ZNF615: variants seen among roughly 807,000 people sequenced by gnomAD.
ZNF615 encodes zinc finger protein 615.
ZNF615 carries 15 observed loss-of-function variants against 15.3 expected under a neutral mutation model. The ratio of observed to expected loss-of-function variants is 0.98; its 90% CI spans 0.66 to 1.51. The LOEUF is 1.51. ZNF615 is among the 40% of genes most tolerant of loss of function. The pLI, the probability that ZNF615 is intolerant of heterozygous loss-of-function variation, is 0.00. For missense variants in ZNF615, 848 were observed against 895.9 expected (o/e 0.95, Z 0.68); for synonymous variants, 268 against 294.6 (o/e 0.91, Z 0.92).
intron 6 of ZNF615, among the ~76,000 whole-genome samples, chr19:51,999,062 C>T (rs897241689): frequency 6.6e-6 from 1 of 152,140 alleles, no homozygotes; most frequent in African/African-American, 2.4e-5. Context: ...TTTCTATATT[C>T]TAGCAATGAA....
chr19:51,993,999 A>C lies in ZNF615; in HGVS notation c.1110T>G (p.Leu370=). The C allele has an allele frequency of 6.2e-7, 1 of 1,612,358 alleles. No homozygotes were observed. The highest frequency in any genetic ancestry group is 8.5e-7 in the Non-Finnish European group (1 of 1,179,034). ...CGKGFIEKRR[L]TAHHRTHTGE... ...CAGTATGAGTTCGATGATGTGCAGTAAGACGCCTCTTCTCAATGAAGCCTT... is the reference window on the plus strand; with the variant it reads ...CAGTATGAGTTCGATGATGTGCAGTCAGACGCCTCTTCTCAATGAAGCCTT... The change falls in exon 7 of 7, where the codon CTT becomes CTG. Residue 370 remains leucine (L), a synonymous_variant. Transcript: ENST00000598071.
At chr19:51,996,270 C>T (rs982404655) in intron 6 of ZNF615, among the ~76,000 whole-genome samples, 7 of 151,102 alleles carry the variant, frequency 4.6e-5, no homozygotes, top group African/African-American at 1.2e-4. Context: ...CCCGTAGTCC[C>T]GGCTACTTGG....
In ZNF615 at chr19:51,994,314, A is replaced by G; in HGVS notation, c.795T>C (p.His265=). 1 of 1,614,140 alleles carries G rather than the reference A, an allele frequency of 6.2e-7. No individual in the cohort carries two copies. Among genetic ancestry groups the G allele is most frequent in the East Asian group, 2.2e-5 (1 of 44,876 alleles). The stretch of plus-strand genomic sequence containing the variant: ...TGCATTCATAATGTTTCAGTTCTGT[A>G]TGAGTTCTCTGATGGTCCATTAGTC... The part of the protein sequence containing the change: ...KSRLMDHQRT[H]TELKHYECTE... The change falls in exon 7 of 7, where the codon CAT becomes CAC. Residue 265 remains histidine, a synonymous_variant. Coordinates refer to ENST00000598071, the MANE Select transcript of ZNF615 (RefSeq NM_001199324.2).
chr19:51,993,198 G>A lies in ZNF615; in HGVS notation c.1911C>T (p.Cys637=). Residue 637 remains cysteine (C), a synonymous_variant, in exon 7 of 7, where the codon TGC becomes TGT. Coordinates refer to ENST00000598071, the MANE Select transcript of ZNF615 (RefSeq NM_001199324.2). The part of the protein sequence containing the change: ...QTHTGEKPYK[C]NECDKTFRKK... ...TCCTGAAGGTTTTATCACATTCATT[G>A]CATTTGTATGGCTTCTCTCCAGTAT... 6.2e-7 allele frequency: 1 copy of A among 1,614,170 alleles called. No homozygotes were observed. Among genetic ancestry groups the A allele is most frequent in the Non-Finnish European group, 8.5e-7 (1 of 1,180,034 alleles).
intron 6 of ZNF615, 34 bp from the exon 7 acceptor site, chr19:51,994,871 A>C: frequency 6.6e-7 from 1 of 1,523,088 alleles, no homozygotes. Context: ...TCACTCCATC[A>C]TCTTGTTTTG....
chr19:52,000,209 C>A, intron 6 of ZNF615, 137 bp downstream of exon 6: 1 of 436,556 alleles, frequency 2.3e-6, no homozygotes, highest in Non-Finnish European at 4.0e-6. Context: ...ACAATAGACA[C>A]TGGGGACTCC....
intron 2 of ZNF615, among the ~76,000 whole-genome samples, chr19:52,005,107 A>G (rs1459522573): frequency 6.6e-6 from 1 of 152,116 alleles, no homozygotes; most frequent in Non-Finnish European, 1.5e-5. Flanking sequence ...AAAAATACAA[A>G]AATTAGCTGG....
At chr19:51,999,304 C>T (rs1196354724) in intron 6 of ZNF615, among the ~76,000 whole-genome samples, 1 of 152,130 alleles carries the variant, frequency 6.6e-6, no homozygotes, top group East Asian at 1.9e-4. Flanking sequence ...TACACAGACT[C>T]AGTGCAGTAC....
Position 52,002,141 on chromosome 19 carries a change from G to A in ZNF615, c.142+14C>T. On this transcript the variant is annotated intron_variant, in intron 4 of 6. Coordinates refer to ENST00000598071, the MANE Select transcript of ZNF615 (RefSeq NM_001199324.2). ...CTGGGCACCCTCTGAGTGACACAGGGCAGCTGTCCTCACCCACTGCCACCA... is the reference window on the plus strand; with the variant it reads ...CTGGGCACCCTCTGAGTGACACAGGACAGCTGTCCTCACCCACTGCCACCA... The A allele has an allele frequency of 6.2e-7, 1 of 1,614,178 alleles. No homozygotes were observed. Among genetic ancestry groups the A allele is most frequent in the Admixed American group, 1.7e-5 (1 of 60,018 alleles).
At chr19:52,001,631 A>G (rs7508491) in intron 5 of ZNF615, 182 bp downstream of exon 5, 106,700 of 569,678 alleles carry the variant, frequency 0.19, 12,807 homozygotes, top group East Asian at 0.37. Context: ...AAAAAAAAAA[A>G]AAAAGAAAAG....
In ZNF615 at chr19:51,993,041, G is replaced by A. The variant is rs767328329; in HGVS notation, c.2068C>T (p.Pro690Ser). The A allele has an allele frequency of 6.2e-7, 1 of 1,614,138 alleles. No individual in the cohort carries two copies. Residue 690 changes from proline to serine, a missense_variant, in exon 7 of 7, where the codon CCG becomes TCG. By Grantham distance (74) the Pro-to-Ser change is moderately conservative (BLOSUM62 -1). Coordinates refer to ENST00000598071, the MANE Select transcript of ZNF615 (RefSeq NM_001199324.2). The stretch of plus-strand genomic sequence containing the variant: ...TTCCCGCAGTCACTGCATTTGTACG[G>A]TTTCTCTCCTGTGTGAATTCTCTGA... ...THQRIHTGEKPYKCSDCGKAF... is the reference protein window; with the variant it reads ...THQRIHTGEKSYKCSDCGKAF...
Position 52,001,796 on chromosome 19 carries a change from C to G in ZNF615, c.238+17G>C. ...ATGGTGTCTGTGGCTGTCCACCTGG[C>G]TGCTCCTCTCACTCACCAGAACAGA... is the stretch of plus-strand genomic sequence containing the variant. On this transcript the variant is annotated intron_variant, in intron 5 of 6. Coordinates refer to ENST00000598071, the MANE Select transcript of ZNF615 (RefSeq NM_001199324.2). The G allele has an allele frequency of 6.2e-7, 1 of 1,610,882 alleles. No individual in the cohort carries two copies. Among genetic ancestry groups the G allele is most frequent in the Non-Finnish European group, 8.5e-7 (1 of 1,177,146 alleles).
In ZNF615 at chr19:51,992,974, T is replaced by C. The variant is rs745401630; in HGVS notation, c.2135A>G (p.Lys712Arg). Reference sequence around the variant, plus strand: ...TCCATAGGGCCTCTCTCCTGTATGTTTTCTTTGATGAACATTGAGCCCTGA... The same window carrying C: ...TCCATAGGGCCTCTCTCCTGTATGTCTTCTTTGATGAACATTGAGCCCTGA... Reference protein sequence around the residue: ...TKSGLNVHQRKHTGERPYGCS... With the variant: ...TKSGLNVHQRRHTGERPYGCS... The change falls in exon 7 of 7, where the codon AAA (lysine) becomes AGA (arginine). Residue 712 changes from lysine to arginine, a missense_variant. By Grantham distance (26) the Lys-to-Arg change is conservative. Coordinates refer to ENST00000598071, the MANE Select transcript of ZNF615 (RefSeq NM_001199324.2). 1 of 1,614,172 alleles carries C rather than the reference T, an allele frequency of 6.2e-7. No individual in the cohort carries two copies. Among genetic ancestry groups the C allele is most frequent in the Non-Finnish European group, 8.5e-7 (1 of 1,180,012 alleles).
chr19:51,996,003 T>C (rs1413271139), intron 6 of ZNF615, among the ~76,000 whole-genome samples: 1 of 152,084 alleles, frequency 6.6e-6, no homozygotes, highest in Non-Finnish European at 1.5e-5. Context: ...AATCAAGATA[T>C]AGTTAAAGAA....
At position 52,002,135 on chromosome 19, in the gene ZNF615, C is replaced by A; in HGVS notation, c.142+20G>T. On this transcript the variant is annotated intron_variant, in intron 4 of 6. Transcript: ENST00000598071. ...CACTGACTGGGCACCCTCTGAGTGA[C>A]ACAGGGCAGCTGTCCTCACCCACTG... is the stretch of plus-strand genomic sequence containing the variant. 6.2e-7 allele frequency: 1 copy of A among 1,614,164 alleles called. No individual in the cohort carries two copies. The highest frequency in any genetic ancestry group is 8.5e-7 in the Non-Finnish European group (1 of 1,180,014).
At chr19:52,003,495 G>A (rs1231221000) in intron 3 of ZNF615, among the ~76,000 whole-genome samples, 1 of 152,094 alleles carries the variant, frequency 6.6e-6, no homozygotes, top group African/African-American at 2.4e-5. Context: ...GTAACCTACG[G>A]GGTCCCACAC....
intron 6 of ZNF615, 25 bp downstream of exon 6, chr19:52,000,320 TC>T: frequency 1.6e-6 from 1 of 607,420 alleles, no homozygotes; most frequent in Non-Finnish European, 3.0e-6. Context: ...ATCCTCGGCA[TC>T]AGGCAATATA....
At chr19:52,004,159 G>A (rs1275581275) in intron 2 of ZNF615, among the ~76,000 whole-genome samples, 1 of 152,160 alleles carries the variant, frequency 6.6e-6, no homozygotes, top group East Asian at 1.9e-4. Flanking sequence ...TCGTCACAAC[G>A]TGATGCCCAG....
Position 52,007,343 on chromosome 19 carries a change from A to T in ZNF615, c.-227-13T>A. 1 of 1,286,090 alleles carries T rather than the reference A, an allele frequency of 7.8e-7. No homozygotes were observed. The highest frequency in any genetic ancestry group is 1.0e-6 in the Non-Finnish European group (1 of 986,454). The allele number at this position is 1,286,090 out of a possible 1,614,324, so 79.7% of individuals were successfully genotyped here. A position where few individuals can be genotyped will look rare whatever the true frequency, so the allele number is the denominator to read the frequency against. Reference sequence around the variant, plus strand: ...TGTCAGAAAGAACCTGAAAAGAAATATCCAAGAGGATACGCTGGAAACTTG... The same window carrying T: ...TGTCAGAAAGAACCTGAAAAGAAATTTCCAAGAGGATACGCTGGAAACTTG... On this transcript the variant is annotated splice_polypyrimidine_tract_variant and intron_variant, in intron 1 of 6. Coordinates refer to ENST00000598071, the MANE Select transcript of ZNF615 (RefSeq NM_001199324.2).
Sources: gnomAD v4.1 joint callset for allele counts (sites outside exome capture counted in the v4.1 genomes callset) on GRCh38, gnomAD v4.1.1 for gene constraint, MANE v1.5 for transcripts, NCBI Gene and HGNC (gene_info 2026-07-23, HGNC 2026-07-21) for gene names.